Variants in PCDHGB1 observed in about 807,000 individuals in gnomAD.
PCDHGB1 encodes the protein protocadherin gamma subfamily B, 1.
PCDHGB1 carries 34 observed loss-of-function variants against 56.6 expected under a neutral mutation model. The observed-to-expected ratio is 0.60, with a 90% CI of 0.46 to 0.80. The LOEUF (loss-of-function observed/expected upper bound fraction) is 0.80. PCDHGB1 is among the 30% of genes least tolerant of loss of function. The pLI is 0.00. For missense variants in PCDHGB1, 1,278 were observed against 1,204.6 expected, an observed-to-expected ratio of 1.06 and a Z score of -0.90; for synonymous variants, 561 against 505.9, an observed-to-expected ratio of 1.11 and a Z score of -1.46.
At chr5:141,446,365 G>T (rs2098499873) in intron 1 of PCDHGB1, among the ~76,000 whole-genome samples, 1 of 152,194 alleles carries the variant, frequency 6.6e-6, no homozygotes, top group Non-Finnish European at 1.5e-5. Flanking sequence ...GATGAGAATG[G>T]AAGACTAAAG....
At chr5:141,422,684 C>T (rs2096664410) in intron 1 of PCDHGB1, 1 of 1,604,876 alleles carries the variant, frequency 6.2e-7, no homozygotes, top group Admixed American at 1.7e-5. Flanking sequence ...AAACAGAATG[C>T]CCTGGTCACT....
chr5:141,422,150 T>C (rs773805631), intron 1 of PCDHGB1: 23 of 1,577,056 alleles, frequency 1.5e-5, no homozygotes, highest in Non-Finnish European at 1.8e-5. Context: ...CGGGGGTCTC[T>C]GGATTTTGAA....
At chr5:141,418,326 C>T (rs1398536611) in intron 1 of PCDHGB1, 2 of 1,613,986 alleles carry the variant, frequency 1.2e-6, no homozygotes, top group Non-Finnish European at 1.7e-6. Context: ...ATTCTTGAGT[C>T]TGCAGAAGAT....
At chr5:141,450,006 C>CTTTTTTT (rs1554136305) in intron 1 of PCDHGB1, among the ~76,000 whole-genome samples, 1 of 132,982 alleles carries the variant, frequency 7.5e-6, no homozygotes, top group Admixed American at 7.8e-5. Context: ...TGCCATGTCT[C>CTTTTTTT]TTTTTTTTTT....
chr5:141,460,656 ACTGTAAACACAGT>A (rs2098994793), intron 1 of PCDHGB1, among the ~76,000 whole-genome samples: 1 of 152,086 alleles, frequency 6.6e-6, no homozygotes, highest in Admixed American at 6.6e-5. Flanking sequence ...CACATATGTA[ACTGTAAACACAGT>A]TATATATCTA....
At chr5:141,366,284 C>T in intron 1 of PCDHGB1, 1 of 1,613,714 alleles carries the variant, frequency 6.2e-7, no homozygotes, top group Non-Finnish European at 8.5e-7. Context: ...CCATGGCCAG[C>T]CCCCTCTGTC....
chr5:141,418,452 A>C (rs2096259372), intron 1 of PCDHGB1: 5 of 1,614,024 alleles, frequency 3.1e-6, no homozygotes, highest in Non-Finnish European at 4.2e-6. Context: ...GTATTGCAGA[A>C]GACTCTGGAC....
chr5:141,364,883 G>A (rs2149867469), intron 1 of PCDHGB1: 1 of 1,613,946 alleles, frequency 6.2e-7, no homozygotes, highest in East Asian at 2.2e-5. Context: ...TGTGGTAAGC[G>A]GAACTGATGG....
At chr5:141,403,223 G>C (rs1414315950) in intron 1 of PCDHGB1, 2 of 1,613,968 alleles carry the variant, frequency 1.2e-6, no homozygotes, top group Non-Finnish European at 8.5e-7. Flanking sequence ...GGGTAGGATA[G>C]ACCGGGAGGA....
At chr5:141,408,929 A>G in intron 1 of PCDHGB1, 1 of 1,613,518 alleles carries the variant, frequency 6.2e-7, no homozygotes, top group Non-Finnish European at 8.5e-7. Context: ...CCCGGTTTTC[A>G]GCAGAGACGA....
intron 1 of PCDHGB1, chr5:141,355,132 G>A: frequency 6.6e-7 from 1 of 1,519,210 alleles, no homozygotes; most frequent in Non-Finnish European, 8.8e-7. Context: ...GGACCCAGAA[G>A]ATCCTGGGGC....
At position 141,409,990 on chromosome 5, in the gene PCDHGB1, C is replaced by G. The variant is rs377295503; in HGVS notation, c.2409+57321C>G. On this transcript the variant is annotated intron_variant, in intron 1 of 3. Transcript: ENST00000523390. The stretch of plus-strand genomic sequence containing the variant: ...TGACTAAGGTGGTAGCGGTGGACGC[C>G]GACTCGGGACACAACGCCTGGCTGT... 2.7e-5 allele frequency: 44 copies of G among 1,613,278 alleles called. No homozygotes were observed. The African/African-American group carries it at 5.3e-4, about 20-fold the overall frequency.
chr5:141,494,742 G>A (rs1223104681), intron 1 of PCDHGB1, 65 bp from the exon 2 acceptor site: 10 of 1,611,946 alleles, frequency 6.2e-6, no homozygotes, highest in Non-Finnish European at 8.5e-6. Context: ...CCCATCCCTA[G>A]GGGCTCGGGT....
chr5:141,376,055 G>A lies in PCDHGB1; in HGVS notation c.2409+23386G>A, dbSNP rs746662537. On this transcript the variant is annotated intron_variant, in intron 1 of 3. Transcript: ENST00000523390. ...CGGCCAGCCCCCTCTCTCCGCCACTGTCACGCTCACCGTGGCCGTGGCCGA... is the reference window on the plus strand; with the variant it reads ...CGGCCAGCCCCCTCTCTCCGCCACTATCACGCTCACCGTGGCCGTGGCCGA... 4.3e-6 allele frequency: 7 copies of A among 1,613,232 alleles called. No homozygotes were observed. In the Admixed American group the frequency reaches 6.7e-5, roughly 15 times the overall value.
Position 141,432,972 on chromosome 5 carries a change from C to T in PCDHGB1, c.2410-61835C>T. 1 of 1,614,218 alleles carries T rather than the reference C, an allele frequency of 6.2e-7. No homozygotes were observed. Among genetic ancestry groups the T allele is most frequent in the African/African-American group, 1.3e-5 (1 of 75,058 alleles). ...GGCGGCTTGACAGGAGCGCCGGCGT[C>T]GCACTTTGTGGGCGTGGACGGGGTG... On this transcript the variant is annotated intron_variant, in intron 1 of 3. Coordinates refer to ENST00000523390, the MANE Select transcript of PCDHGB1 (RefSeq NM_018922.3). This position sits in a 1 kb window ranked among gnomAD's most constrained non-coding sequence, Gnocchi z 6.0.
chr5:141,435,973 G>T (rs1420195337), intron 1 of PCDHGB1, among the ~76,000 whole-genome samples: 1 of 152,028 alleles, frequency 6.6e-6, no homozygotes, highest in East Asian at 1.9e-4. Context: ...AGAGTGTGTG[G>T]TTCTACTTGT....
At chr5:141,438,997 C>T (rs2098080665) in intron 1 of PCDHGB1, among the ~76,000 whole-genome samples, 1 of 151,716 alleles carries the variant, frequency 6.6e-6, no homozygotes, top group Admixed American at 6.6e-5. Flanking sequence ...AGGCTAAGGA[C>T]CTGGTTTGTT....
rs1046764113 is a variant in PCDHGB1, at chr5:141,495,395, G to A, written c.2468+530G>A. Among the ~76,000 whole-genome samples the A allele has an allele frequency of 4.1e-4, 62 of 152,326 alleles. 1 individual carries two copies. The highest frequency in any genetic ancestry group is 1.4e-3 in the African/African-American group (57 of 41,576). On this transcript the variant is annotated intron_variant, in intron 2 of 3. Transcript: ENST00000523390. Reference sequence around the variant, plus strand: ...GAGGAAGGACTGGGCGGGGCATGGAGCAGGCCCCCTTCTCCGGCCCCTCCT... The same window carrying A: ...GAGGAAGGACTGGGCGGGGCATGGAACAGGCCCCCTTCTCCGGCCCCTCCT...
intron 1 of PCDHGB1, chr5:141,356,720 T>A (rs200566433): frequency 2.0e-5 from 32 of 1,613,888 alleles, no homozygotes; most frequent in Non-Finnish European, 3.4e-6. Context: ...TATGTCTCCA[T>A]CAACTCCAAT....
Sources: gnomAD v4.1 joint callset for allele counts (sites outside exome capture counted in the v4.1 genomes callset) on GRCh38, gnomAD v4.1.1 for gene constraint, Gnocchi (gnomAD v3.1) non-coding constraint, MANE v1.5 for transcripts, NCBI Gene and HGNC (gene_info 2026-07-23, HGNC 2026-07-21) for gene names.